The following FBN1 variants were observed in gnomAD, a reference collection of about 807,000 sequenced individuals.
The protein encoded by FBN1 is fibrillin 1.
Under a neutral mutation model 365.1 loss-of-function variants are expected in FBN1, and 29 were observed. That is an observed-to-expected ratio of 0.08 (90% CI 0.06 to 0.11). The LOEUF is 0.11. Among genes scored for constraint, FBN1 ranks in the 10% least tolerant of loss-of-function variants. The pLI is 1.00. For synonymous variants in FBN1, 1,210 were observed against 1,270.5 expected (o/e 0.95, Z 1.01); for missense variants, 2,476 against 3,703.2 (o/e 0.67, Z 8.60).
chr15:48,636,569 C>A (rs1241540250), intron 2 of FBN1, among the ~76,000 whole-genome samples: 23 of 152,134 alleles, frequency 1.5e-4, no homozygotes, highest in Admixed American at 1.4e-3. Flanking sequence ...ATCCCGGGGG[C>A]AGGTTCAGGC....
chr15:48,437,706 C>T (rs948357389), intron 51 of FBN1, 62 bp downstream of exon 51: 30 of 1,566,622 alleles, frequency 1.9e-5, no homozygotes, highest in Non-Finnish European at 2.5e-5. Context: ...TACAGTCTTA[C>T]TTACATCATG....
intron 32 of FBN1, among the ~76,000 whole-genome samples, chr15:48,479,267 A>C (rs141528259): frequency 3.3e-4 from 50 of 152,330 alleles, no homozygotes; most frequent in Non-Finnish European, 4.7e-4. Context: ...CACGTTTTCA[A>C]GTATACCAAA....
chr15:48,636,900 T>G (rs549359725), intron 2 of FBN1, among the ~76,000 whole-genome samples: 2 of 152,344 alleles, frequency 1.3e-5, no homozygotes, highest in Non-Finnish European at 2.9e-5. Context: ...GGGCAATTTG[T>G]TACGTAGCAA....
chr15:48,413,246 C>T (rs935740333), intron 64 of FBN1, among the ~76,000 whole-genome samples: 9 of 152,188 alleles, frequency 5.9e-5, no homozygotes, highest in African/African-American at 1.4e-4. Context: ...TATTCCTTGA[C>T]GTTTCACTTT....
intron 43 of FBN1, among the ~76,000 whole-genome samples, chr15:48,459,197 C>A (rs2043263493): frequency 6.6e-6 from 1 of 152,220 alleles, no homozygotes; most frequent in Non-Finnish European, 1.5e-5. Flanking sequence ...CCTGGTTGGT[C>A]CGTGGAGAAC....
chr15:48,630,273 T>A lies in FBN1; in HGVS notation c.164+14333A>T, dbSNP rs1367936029. 2.6e-5 allele frequency among the ~76,000 whole-genome samples: 4 copies of A among 152,206 alleles called. 1 individual carries two copies. Among genetic ancestry groups the A allele is most frequent in the Non-Finnish European group, 5.9e-5 (4 of 68,034 alleles). On this transcript the variant is annotated intron_variant, in intron 2 of 65. Coordinates refer to ENST00000316623, the MANE Select transcript of FBN1 (RefSeq NM_000138.5). The stretch of plus-strand genomic sequence containing the variant: ...TTGTGTATCAGGTCCATAAAAAGGT[T>A]AAATTTGGGTTTTTCTGTGCATAAG...
chr15:48,589,097 C>T (rs2044457037), intron 6 of FBN1, among the ~76,000 whole-genome samples: 1 of 152,200 alleles, frequency 6.6e-6, no homozygotes, highest in African/African-American at 2.4e-5. Flanking sequence ...GAGCCTAGCT[C>T]CTTTCCCAGA....
chr15:48,554,993 T>A (rs2044168890), intron 6 of FBN1, among the ~76,000 whole-genome samples: 4 of 152,236 alleles, frequency 2.6e-5, no homozygotes, highest in Non-Finnish European at 5.9e-5. Context: ...CATGCATCAT[T>A]TAATTGGTTT....
In FBN1 at chr15:48,475,337, C is replaced by T. The variant is rs1047626237; in HGVS notation, c.3965-687G>A. ...CAAGTTAATCCAATGGGGATTTTGT[C>T]AGAATATAAGGAATACCAGATTAGG... On this transcript the variant is annotated intron_variant, in intron 32 of 65. Coordinates refer to ENST00000316623, the MANE Select transcript of FBN1 (RefSeq NM_000138.5). Among the ~76,000 whole-genome samples the T allele has an allele frequency of 1.5e-4, 23 of 152,180 alleles. No homozygotes were observed. The South Asian group carries it at 1.7e-3, about 11-fold the overall frequency.
In FBN1 at chr15:48,426,110, G is replaced by C. The variant is rs188491063; in HGVS notation, c.7205-246C>G. Among the ~76,000 whole-genome samples, 323 of 152,170 alleles carry C rather than the reference G, an allele frequency of 2.1e-3. 2 individuals carry two copies. The highest frequency in any genetic ancestry group is 7.6e-3 in the African/African-American group (316 of 41,524). The stretch of plus-strand genomic sequence containing the variant: ...CCACAGAAAAACTTTAAAAACAACT[G>C]GTCTTCTAAATGTATATTTTTCTCT... On this transcript the variant is annotated intron_variant, in intron 58 of 65. Transcript: ENST00000316623.
intron 56 of FBN1, among the ~76,000 whole-genome samples, chr15:48,430,037 C>T (rs1018353804): frequency 6.6e-6 from 1 of 152,142 alleles, no homozygotes; most frequent in African/African-American, 2.4e-5. Flanking sequence ...ATGAAAGTAG[C>T]CATGGACAAT....
intron 9 of FBN1, among the ~76,000 whole-genome samples, chr15:48,522,619 T>C (rs1260760054): frequency 1.3e-5 from 2 of 152,214 alleles, no homozygotes. Flanking sequence ...GTAATTGTTA[T>C]CATCTACATC....
chr15:48,502,100 C>T (rs1345057228), intron 17 of FBN1, among the ~76,000 whole-genome samples: 1 of 152,160 alleles, frequency 6.6e-6, no homozygotes, highest in East Asian at 1.9e-4. Flanking sequence ...GCTATCTTGG[C>T]TCACTGAAAC....
intron 2 of FBN1, among the ~76,000 whole-genome samples, chr15:48,632,147 A>T (rs1227877121): frequency 2.6e-5 from 4 of 152,066 alleles, no homozygotes; most frequent in Admixed American, 6.5e-5. Context: ...ACTGCCTTTA[A>T]GTATAACCAG....
chr15:48,499,198 G>A (rs961890525), intron 17 of FBN1, among the ~76,000 whole-genome samples, 160 bp from the exon 18 acceptor site: 37 of 152,090 alleles, frequency 2.4e-4, no homozygotes, highest in African/African-American at 8.9e-4. Context: ...TTTACACCAG[G>A]CTCCCATTTT....
intron 35 of FBN1, among the ~76,000 whole-genome samples, chr15:48,471,017 T>C (rs2043370509): frequency 6.6e-6 from 1 of 152,122 alleles, no homozygotes; most frequent in Admixed American, 6.5e-5. Context: ...ATTTGTAGTG[T>C]TCCACGTAGG....
chr15:48,484,973 C>T (rs758866632), intron 30 of FBN1, among the ~76,000 whole-genome samples: 12 of 152,134 alleles, frequency 7.9e-5, no homozygotes, highest in African/African-American at 2.4e-4. Flanking sequence ...GTTTCTGATA[C>T]GGTAGATCTG....
intron 44 of FBN1, among the ~76,000 whole-genome samples, chr15:48,453,298 A>C (rs2043215776): frequency 6.8e-6 from 1 of 147,316 alleles, no homozygotes; most frequent in African/African-American, 2.5e-5. Context: ...AACAAACAAA[A>C]AAAAAACACA....
intron 30 of FBN1, among the ~76,000 whole-genome samples, chr15:48,485,148 T>C (rs1200730008): frequency 1.3e-5 from 2 of 152,260 alleles, no homozygotes; most frequent in African/African-American, 2.4e-5. Flanking sequence ...ATTTATTATA[T>C]GCCAGGTACT....
Sources: allele counts gnomAD v4.1 joint callset (sites outside exome capture counted in the v4.1 genomes callset), GRCh38; gene constraint gnomAD v4.1.1; transcripts MANE v1.5; gene names NCBI Gene and HGNC (gene_info 2026-07-23, HGNC 2026-07-21).